The following SGCZ variants were observed in gnomAD, a reference collection of about 807,000 sequenced individuals.
SGCZ encodes the protein sarcoglycan zeta, also known as zeta-sarcoglycan.
In SGCZ, 40 loss-of-function variants were observed where a neutral mutation model predicts 41.3. That is an observed-to-expected ratio of 0.97 (90% CI 0.75 to 1.26). The LOEUF is 1.26. SGCZ is among the 50% of genes most tolerant of loss of function. The pLI is 0.00. For missense variants in SGCZ, 552 were observed against 369.8 expected, an observed-to-expected ratio of 1.49 and a Z score of -4.04; for synonymous variants, 206 against 137.5, an observed-to-expected ratio of 1.50 and a Z score of -3.49.
At chr8:14,846,942 C>A (rs1000830024) in intron 1 of SGCZ, among the ~76,000 whole-genome samples, 2 of 151,808 alleles carry the variant, frequency 1.3e-5, no homozygotes, top group African/African-American at 4.8e-5. Context: ...CGTGGTGGCA[C>A]ATGCCTGTAA....
intron 5 of SGCZ, among the ~76,000 whole-genome samples, chr8:14,152,661 C>A (rs1017624345): frequency 6.6e-6 from 1 of 152,118 alleles, no homozygotes; most frequent in Non-Finnish European, 1.5e-5. Context: ...TATGGCCCAG[C>A]AAACACACCC....
chr8:14,950,909 G>T (rs556036943), intron 1 of SGCZ, among the ~76,000 whole-genome samples: 233 of 152,104 alleles, frequency 1.5e-3, no homozygotes, highest in Middle Eastern at 3.4e-3. Context: ...TAAATGGAAA[G>T]AGCCAAAATT....
chr8:14,690,633 C>G (rs1055933141), intron 1 of SGCZ: 1 of 152,162 alleles, frequency 6.6e-6, no homozygotes, highest in Non-Finnish European at 1.5e-5. Context: ...TCTAGTCACA[C>G]ATTTAACCTA....
At chr8:14,756,451 G>T (rs1585234889) in intron 1 of SGCZ, among the ~76,000 whole-genome samples, 2 of 152,074 alleles carry the variant, frequency 1.3e-5, no homozygotes, top group African/African-American at 2.4e-5. Context: ...TCCCAAAGTG[G>T]TGGGATTACA....
intron 1 of SGCZ, among the ~76,000 whole-genome samples, chr8:14,832,236 T>C (rs528260510): frequency 6.6e-6 from 1 of 152,214 alleles, no homozygotes; most frequent in Non-Finnish European, 1.5e-5. Context: ...TTGTGTTATT[T>C]GATATGATAT....
At chr8:14,515,762 T>A (rs1802602247) in intron 2 of SGCZ, among the ~76,000 whole-genome samples, 1 of 152,112 alleles carries the variant, frequency 6.6e-6, no homozygotes, top group Non-Finnish European at 1.5e-5. Context: ...CTTCCAATAA[T>A]GGTAGCTGAG....
intron 1 of SGCZ, among the ~76,000 whole-genome samples, chr8:14,635,239 T>C (rs371641039): frequency 2.1e-4 from 32 of 151,884 alleles, no homozygotes; most frequent in East Asian, 1.6e-3. Flanking sequence ...AAATAAAAAA[T>C]GTATCTCCAT....
chr8:14,233,209 A>T (rs1287567059), intron 4 of SGCZ, among the ~76,000 whole-genome samples: 1 of 152,012 alleles, frequency 6.6e-6, no homozygotes, highest in African/African-American at 2.4e-5. Flanking sequence ...CATAAGGCAC[A>T]TGAGAAAGGA....
At chr8:14,703,434 T>A (rs1223627585) in intron 1 of SGCZ, among the ~76,000 whole-genome samples, 1 of 151,984 alleles carries the variant, frequency 6.6e-6, no homozygotes, top group Non-Finnish European at 1.5e-5. Context: ...TCAGACCATA[T>A]GAGAGATTTC....
At chr8:14,108,036 C>T (rs1023662984) in intron 6 of SGCZ, 127 bp downstream of exon 6, 4 of 771,776 alleles carry the variant, frequency 5.2e-6, no homozygotes, top group South Asian at 4.1e-5. Flanking sequence ...CTAATATATT[C>T]ATTTTTGTAT....
intron 1 of SGCZ, among the ~76,000 whole-genome samples, chr8:15,018,384 G>C (rs1270383075): frequency 6.6e-6 from 1 of 152,184 alleles, no homozygotes; most frequent in Non-Finnish European, 1.5e-5. Flanking sequence ...GAAAATACCA[G>C]GGAGTAATCA....
At chr8:14,918,323 G>A (rs1157317087) in intron 1 of SGCZ, among the ~76,000 whole-genome samples, 4 of 151,804 alleles carry the variant, frequency 2.6e-5, no homozygotes, top group African/African-American at 9.7e-5. Flanking sequence ...TTTCTAAGTG[G>A]TATGAATTTA....
At chr8:14,206,962 C>T (rs1261151285) in intron 4 of SGCZ, among the ~76,000 whole-genome samples, 1 of 152,164 alleles carries the variant, frequency 6.6e-6, no homozygotes, top group Non-Finnish European at 1.5e-5. Context: ...ACTTATGTCA[C>T]TTAGCCATGG....
rs544410935 is a variant in SGCZ at position 14,971,920 on chromosome 8, AC to A, written c.39+265664del. 3.9e-5 allele frequency among the ~76,000 whole-genome samples: 6 copies of A among 152,010 alleles called. No homozygotes were observed. In the East Asian group the frequency reaches 1.2e-3, roughly 30 times the overall value. On this transcript the variant is annotated intron_variant, in intron 1 of 7. Transcript: ENST00000382080. ...GCCTCGGCCTCCCATGATTTTATAT[AC>A]TTTTGCATGCTATTTGCAAAACTTT...
At chr8:14,947,024 G>A (rs149767898) in intron 1 of SGCZ, among the ~76,000 whole-genome samples, 41 of 151,894 alleles carry the variant, frequency 2.7e-4, no homozygotes, top group African/African-American at 9.4e-4. Flanking sequence ...TTTTGAGAAG[G>A]AAAACCAAAA....
At chr8:14,280,988 G>C (rs1018840798) in intron 3 of SGCZ, among the ~76,000 whole-genome samples, 3 of 151,744 alleles carry the variant, frequency 2.0e-5, no homozygotes, top group Non-Finnish European at 4.4e-5. Context: ...AAATGAGGTT[G>C]ATAGCATTTC....
At chr8:14,174,890 A>G (rs1804496269) in intron 4 of SGCZ, among the ~76,000 whole-genome samples, 5 of 152,128 alleles carry the variant, frequency 3.3e-5, no homozygotes, top group South Asian at 4.1e-4. Flanking sequence ...TTTTCTTCCA[A>G]TATCTCTTGA....
intron 2 of SGCZ, among the ~76,000 whole-genome samples, chr8:14,513,380 T>C (rs1478604607): frequency 6.6e-6 from 1 of 152,096 alleles, no homozygotes; most frequent in Non-Finnish European, 1.5e-5. Flanking sequence ...CATTTTACTA[T>C]ACTGTTGTGT....
chr8:14,437,330 T>A (rs1390774462), intron 2 of SGCZ, among the ~76,000 whole-genome samples: 2 of 152,164 alleles, frequency 1.3e-5, no homozygotes, highest in African/African-American at 4.8e-5. Context: ...CTTGTCAAGT[T>A]TTGCTGTAGT....
Sources: gnomAD v4.1 joint callset for allele counts (sites outside exome capture counted in the v4.1 genomes callset) on GRCh38, gnomAD v4.1.1 for gene constraint, MANE v1.5 for transcripts, NCBI Gene and HGNC (gene_info 2026-07-23, HGNC 2026-07-21) for gene names.